Variants in PDE3B observed in about 807,000 individuals in gnomAD.
The protein encoded by PDE3B is phosphodiesterase 3B, also known as cGMP-inhibited 3',5'-cyclic phosphodiesterase 3B.
In PDE3B, 66 loss-of-function variants were observed where a neutral mutation model predicts 116.8. The observed-to-expected ratio is 0.56, with a 90% CI of 0.46 to 0.69. PDE3B has a LOEUF of 0.69. PDE3B is among the 30% of genes least tolerant of loss of function. The pLI, the probability that PDE3B is intolerant of heterozygous loss-of-function variation, is 0.00. For synonymous variants in PDE3B, 595 were observed against 533.6 expected, an observed-to-expected ratio of 1.12 and a Z score of -1.59; for missense variants, 1,384 against 1,368.1, an observed-to-expected ratio of 1.01 and a Z score of -0.18.
chr11:14,812,833 C>T (rs1042573587), intron 5 of PDE3B, among the ~76,000 whole-genome samples: 6 of 152,198 alleles, frequency 3.9e-5, no homozygotes, highest in African/African-American at 1.4e-4. Context: ...TATCTCCTCA[C>T]TTACACCCCA....
chr11:14,667,259 G>A (rs1854190344), intron 1 of PDE3B, among the ~76,000 whole-genome samples: 1 of 146,324 alleles, frequency 6.8e-6, no homozygotes, highest in Admixed American at 6.9e-5. Flanking sequence ...ACAGGAAGGG[G>A]AACATCACAC....
chr11:14,876,342 AAAAAT>A (rs1268117537), downstream of PDE3B, among the ~76,000 whole-genome samples: 4 of 152,160 alleles, frequency 2.6e-5, no homozygotes, highest in South Asian at 2.1e-4. Context: ...CTATCTCTGA[AAAAAT>A]AAAATAAAAT....
intron 1 of PDE3B, among the ~76,000 whole-genome samples, chr11:14,735,679 G>A (rs1856575679): frequency 6.6e-6 from 1 of 152,172 alleles, no homozygotes; most frequent in South Asian, 2.1e-4. Flanking sequence ...CACATTTCAA[G>A]TGCTCAATAG....
chr11:14,861,732 A>C (rs1847954327), intron 14 of PDE3B, among the ~76,000 whole-genome samples: 1 of 152,204 alleles, frequency 6.6e-6, no homozygotes, highest in Admixed American at 6.5e-5. Context: ...GTTTTAGATC[A>C]GAAGTGAAAG....
the PDE3B span, among the ~76,000 whole-genome samples, chr11:14,899,167 G>A: frequency 2.0e-5 from 3 of 151,942 alleles, no homozygotes; most frequent in Admixed American, 6.6e-5. Flanking sequence ...TCATTTTTTC[G>A]CACTGCCAAT....
intron 12 of PDE3B, among the ~76,000 whole-genome samples, chr11:14,845,460 T>TCA (rs749240949): frequency 6.6e-6 from 1 of 152,154 alleles, no homozygotes; most frequent in Non-Finnish European, 1.5e-5. Context: ...ACTCAGCTCC[T>TCA]CACCAGCAAT....
At chr11:14,817,897 C>G (rs886067855) in intron 5 of PDE3B, among the ~76,000 whole-genome samples, 1 of 152,100 alleles carries the variant, frequency 6.6e-6, no homozygotes. Context: ...TTCTGCCATA[C>G]AGTATGTATG....
At chr11:14,673,972 C>T (rs1490883649) in intron 1 of PDE3B, 1 of 1,360,502 alleles carries the variant, frequency 7.4e-7, no homozygotes, top group Non-Finnish European at 1.1e-6. Context: ...GCGTAATCCT[C>T]AAGAATGGAA....
chr11:14,687,966 A>C (rs1027327086), intron 1 of PDE3B, among the ~76,000 whole-genome samples: 1 of 152,094 alleles, frequency 6.6e-6, no homozygotes, highest in Non-Finnish European at 1.5e-5. Context: ...CTGAAAACAT[A>C]GGAGATATTT....
chr11:14,658,598 G>A (rs1051554162), intron 1 of PDE3B, among the ~76,000 whole-genome samples: 10 of 152,148 alleles, frequency 6.6e-5, no homozygotes, highest in Non-Finnish European at 8.8e-5. Context: ...CTCGTGATCC[G>A]CCCGCCTCGG....
intron 12 of PDE3B, among the ~76,000 whole-genome samples, chr11:14,848,562 G>A (rs1001060143): frequency 6.6e-6 from 1 of 152,126 alleles, no homozygotes; most frequent in Non-Finnish European, 1.5e-5. Context: ...CCTGTTTGCA[G>A]ATGACATGAT....
chr11:14,791,669 A>G (rs1239352427), intron 4 of PDE3B, among the ~76,000 whole-genome samples: 3 of 152,038 alleles, frequency 2.0e-5, no homozygotes, highest in African/African-American at 4.8e-5. Context: ...TCCAGTTTCC[A>G]GTATCCTTCT....
chr11:14,765,846 C>G (rs1291265989), intron 1 of PDE3B, among the ~76,000 whole-genome samples: 2 of 149,602 alleles, frequency 1.3e-5, no homozygotes, highest in Non-Finnish European at 3.0e-5. Flanking sequence ...TTATAAAATT[C>G]TTATATTTAA....
chr11:14,764,227 G>T (rs1369459501), intron 1 of PDE3B, among the ~76,000 whole-genome samples: 1 of 152,120 alleles, frequency 6.6e-6, no homozygotes, highest in Non-Finnish European at 1.5e-5. Flanking sequence ...TGGTACATAG[G>T]TAAGGAAGCA....
intron 12 of PDE3B, among the ~76,000 whole-genome samples, chr11:14,852,552 A>G (rs1565165577): frequency 6.6e-6 from 1 of 152,222 alleles, no homozygotes; most frequent in African/African-American, 2.4e-5. Flanking sequence ...CATGATATCA[A>G]TAATCACGTT....
chr11:14,664,824 A>AT (rs1454998353), intron 1 of PDE3B, among the ~76,000 whole-genome samples: 6 of 152,248 alleles, frequency 3.9e-5, no homozygotes, highest in African/African-American at 1.4e-4. Flanking sequence ...TCACAGCCGA[A>AT]TTATACCAGA....
intron 12 of PDE3B, among the ~76,000 whole-genome samples, chr11:14,845,735 T>A (rs1378588536): frequency 4.6e-5 from 7 of 152,080 alleles, no homozygotes; most frequent in Admixed American, 3.3e-4. Context: ...AAGAAAGGGT[T>A]TCGGTGATGG....
intron 1 of PDE3B, among the ~76,000 whole-genome samples, chr11:14,759,347 C>G (rs748003643): frequency 3.3e-5 from 5 of 152,052 alleles, no homozygotes; most frequent in South Asian, 4.2e-4. Context: ...AGGAATGGTA[C>G]CAGTTCCTCC....
At chr11:14,722,186 G>A (rs1400351747) in intron 1 of PDE3B, among the ~76,000 whole-genome samples, 2 of 151,212 alleles carry the variant, frequency 1.3e-5, no homozygotes, top group South Asian at 4.2e-4. Flanking sequence ...GGAGGGAATA[G>A]CATTAGGAGA....
Sources: allele counts gnomAD v4.1 joint callset (sites outside exome capture counted in the v4.1 genomes callset), GRCh38; gene constraint gnomAD v4.1.1; transcripts MANE v1.5; gene names NCBI Gene and HGNC (gene_info 2026-07-23, HGNC 2026-07-21).